Variants in CSPP1 observed in about 807,000 individuals in gnomAD.
CSPP1 encodes the protein centrosome and spindle pole-associated protein 1.
A neutral mutation model predicts 164.4 loss-of-function variants in CSPP1; 126 were observed. The observed-to-expected ratio is 0.77, with a 90% CI of 0.66 to 0.89. The LOEUF is 0.89. CSPP1 is among the 40% of genes least tolerant of loss of function. The pLI is 0.00. For missense variants in CSPP1, 1,395 were observed against 1,449.8 expected (o/e 0.96, Z 0.61); for synonymous variants, 472 against 476.7 (o/e 0.99, Z 0.13).
chr8:67,159,080 T>A lies in CSPP1; in HGVS notation c.2481T>A (p.Tyr827Ter). 6.2e-7 allele frequency: 1 copy of A among 1,612,932 alleles called. No homozygotes were observed. Among genetic ancestry groups the A allele is most frequent in the Non-Finnish European group, 8.5e-7 (1 of 1,179,604 alleles). Reference sequence around the variant, plus strand: ...AGAAGAAAGAAGAAGAAGAAAAATATAACCTGCAACTTCAGCACTACTGTG... The same window carrying A: ...AGAAGAAAGAAGAAGAAGAAAAATAAAACCTGCAACTTCAGCACTACTGTG... ...ERKKKEEEEK[Y>*]NLQLQHYCER... Residue 827 changes from tyrosine to a stop codon, truncating the protein, a stop_gained, in exon 21 of 31, where the codon TAT becomes TAA. Transcript: ENST00000678616. LOFTEE classifies it high-confidence loss of function.
At chr8:67,186,493 A>G (rs577540056) in intron 28 of CSPP1, among the ~76,000 whole-genome samples, 9 of 152,080 alleles carry the variant, frequency 5.9e-5, no homozygotes, top group Admixed American at 2.6e-4. Context: ...AAAGTCTACC[A>G]CCCATTTATG....
At chr8:67,118,514 T>C in intron 14 of CSPP1, 145 bp downstream of exon 14, 1 of 841,550 alleles carries the variant, frequency 1.2e-6, no homozygotes, top group Non-Finnish European at 1.9e-6. Context: ...AAATGCCCTA[T>C]TTTAAAGCCC....
intron 8 of CSPP1, among the ~76,000 whole-genome samples, chr8:67,103,839 CAAAAAAAAAA>C (rs757419585): frequency 1.7e-5 from 1 of 59,730 alleles, no homozygotes; most frequent in Non-Finnish European, 3.7e-5. Flanking sequence ...GACTCCCTCT[CAAAAAAAAAA>C]AAAAAAAAAA....
At position 67,196,047 on chromosome 8, in the gene CSPP1, C is replaced by T. The variant is rs1403152620; in HGVS notation, c.*454C>T. On this transcript the variant is annotated 3_prime_UTR_variant, in exon 31 of 31. Coordinates refer to ENST00000678616, the MANE Select transcript of CSPP1 (RefSeq NM_001382391.1). ...TTTCTGTGTGATGCAATCAAATGTC[C>T]TATTAATTAATTATTATTTCATGTC... 2.0e-5 allele frequency: 3 copies of T among 150,268 alleles called. No homozygotes were observed. Among genetic ancestry groups the T allele is most frequent in the African/African-American group, 8.0e-5 (3 of 37,270 alleles). The allele number at this position is 150,268 out of a possible 1,614,324, so 9.3% of individuals were successfully genotyped here.
chr8:67,073,083 A>C (rs1376044059), intron 1 of CSPP1, among the ~76,000 whole-genome samples: 1 of 152,152 alleles, frequency 6.6e-6, no homozygotes, highest in Non-Finnish European at 1.5e-5. Context: ...AAATGACTGA[A>C]AATATCACGC....
Position 67,137,660 on chromosome 8 carries a change from A to G in CSPP1, c.1975+57A>G, listed in dbSNP as rs183705098. On this transcript the variant is annotated intron_variant, in intron 17 of 30. Transcript: ENST00000678616. Reference sequence around the variant, plus strand: ...TAAGCTAAATTATTTTTAACTTTTTAAAAGATTGGGGAGTAGAAAAAAGTA... The same window carrying G: ...TAAGCTAAATTATTTTTAACTTTTTGAAAGATTGGGGAGTAGAAAAAAGTA... The G allele has an allele frequency of 6.6e-5, 83 of 1,262,880 alleles. No individual in the cohort carries two copies. The African/African-American group carries it at 1.1e-3, about 17-fold the overall frequency. 78.2% of individuals were successfully genotyped at this position (1,262,880 alleles called of 1,614,324 possible).
At chr8:67,116,748 C>T (rs1252294510) in intron 13 of CSPP1, among the ~76,000 whole-genome samples, 1 of 152,022 alleles carries the variant, frequency 6.6e-6, no homozygotes, top group African/African-American at 2.4e-5. Flanking sequence ...ATACTTTCTT[C>T]TTTGTAGGGC....
At chr8:67,103,802 T>C (rs1814705287) in intron 8 of CSPP1, among the ~76,000 whole-genome samples, 1 of 138,232 alleles carries the variant, frequency 7.2e-6, no homozygotes, top group Non-Finnish European at 1.5e-5. Context: ...ATCGCACCAC[T>C]GCACTCCAGT....
chr8:67,158,520 G>A lies in CSPP1; in HGVS notation c.2315G>A (p.Arg772Gln), dbSNP rs753543682. ...LRIAEEKEER[R>Q]LAEQRARIQQ... ...ATTGCAGAAGAAAAAGAAGAAAGAC[G>A]GCTTGCAGAACAGAGGGCACGAATT... Residue 772 changes from arginine to glutamine, a missense_variant, in exon 20 of 31, where the codon CGG (arginine) becomes CAG (glutamine). Transcript: ENST00000678616. 3.1e-6 allele frequency: 5 copies of A among 1,612,718 alleles called. No homozygotes were observed. In the South Asian group the frequency reaches 5.5e-5, roughly 18 times the overall value.
chr8:67,112,855 A>G (rs1817145267), intron 10 of CSPP1, among the ~76,000 whole-genome samples: 1 of 152,204 alleles, frequency 6.6e-6, no homozygotes, highest in Non-Finnish European at 1.5e-5. Context: ...TTTATGTTGT[A>G]CATAGGTATC....
intron 24 of CSPP1, among the ~76,000 whole-genome samples, chr8:67,168,474 C>A (rs995295303): frequency 6.6e-6 from 1 of 152,120 alleles, no homozygotes; most frequent in Non-Finnish European, 1.5e-5. Context: ...GAAAATTATA[C>A]ATGATAATTT....
At chr8:67,163,582 C>T (rs1828775492) in intron 22 of CSPP1, 150 bp from the exon 23 acceptor site, 2 of 591,846 alleles carry the variant, frequency 3.4e-6, no homozygotes, top group Non-Finnish European at 6.0e-6. Context: ...TATACTCTAC[C>T]TTGGGTAGAG....
In CSPP1 at chr8:67,195,396, C is replaced by T; in HGVS notation, c.3484C>T (p.Leu1162=). ...GCCTCCTGTAGATGATGAGAGTTCA[C>T]TGGTTGACCCTGATGACATCATGAA... ...KPINTDDESS[L]VDPDDIMKHI... is the part of the protein sequence containing the mutation. Residue 1162 remains leucine, a synonymous_variant, in exon 31 of 31, where the codon CTG becomes TTG. Transcript: ENST00000678616. 1 of 1,613,758 alleles carries T rather than the reference C, an allele frequency of 6.2e-7. No homozygotes were observed. The highest frequency in any genetic ancestry group is 8.5e-7 in the Non-Finnish European group (1 of 1,179,706).
intron 9 of CSPP1, among the ~76,000 whole-genome samples, chr8:67,106,180 A>G (rs997065912): frequency 2.0e-5 from 3 of 152,062 alleles, no homozygotes; most frequent in African/African-American, 7.2e-5. Flanking sequence ...AATTTTATGT[A>G]TCTTCTTATT....
intron 5 of CSPP1, among the ~76,000 whole-genome samples, chr8:67,092,720 G>C (rs1388563790): frequency 6.6e-6 from 1 of 152,172 alleles, no homozygotes; most frequent in Non-Finnish European, 1.5e-5. Flanking sequence ...TGGCATTACA[G>C]GCGTGAGCCA....
intron 9 of CSPP1, among the ~76,000 whole-genome samples, chr8:67,109,711 G>A (rs1586172857): frequency 6.6e-6 from 1 of 152,018 alleles, no homozygotes; most frequent in Admixed American, 6.6e-5. Flanking sequence ...AGTACCCCAG[G>A]TTCTTTGTCC....
Position 67,131,972 on chromosome 8 carries a change from A to G in CSPP1, c.1719A>G (p.Glu573=). ...QPVVNTVGQN[E]LKITSDQVIN... ...GTAGGAATACGGTTGGACAGAATGAACTGAAGATTACAAGTGATCAAGTGA... is the reference window on the plus strand; with the variant it reads ...GTAGGAATACGGTTGGACAGAATGAGCTGAAGATTACAAGTGATCAAGTGA... Residue 573 remains glutamate (E), a synonymous_variant, in exon 16 of 31, where the codon GAA becomes GAG. Coordinates refer to ENST00000678616, the MANE Select transcript of CSPP1 (RefSeq NM_001382391.1). The G allele has an allele frequency of 6.2e-7, 1 of 1,612,168 alleles. No individual in the cohort carries two copies. Among genetic ancestry groups the G allele is most frequent in the Middle Eastern group, 1.7e-4 (1 of 6,046 alleles).
chr8:67,136,428 G>A (rs182155324), intron 16 of CSPP1, among the ~76,000 whole-genome samples: 2 of 151,982 alleles, frequency 1.3e-5, no homozygotes, highest in Admixed American at 1.3e-4. Flanking sequence ...AAATAACTGG[G>A]CGTGGTGGCA....
At chr8:67,158,314 G>A in intron 19 of CSPP1, 133 bp from the exon 20 acceptor site, 1 of 962,400 alleles carries the variant, frequency 1.0e-6, no homozygotes, top group African/African-American at 1.7e-5. Context: ...TGAAAATACA[G>A]GAGACTGAAA....
Sources: allele counts gnomAD v4.1 joint callset (sites outside exome capture counted in the v4.1 genomes callset), GRCh38; gene constraint gnomAD v4.1.1; transcripts MANE v1.5; gene names NCBI Gene and HGNC (gene_info 2026-07-23, HGNC 2026-07-21).